Variants in GRM4 observed in about 807,000 individuals in gnomAD.
GRM4 encodes the protein glutamate metabotropic receptor 4.
A neutral mutation model predicts 81.7 loss-of-function variants in GRM4; 28 were observed. The observed-to-expected ratio is 0.34, with a 90% CI of 0.25 to 0.47. GRM4 has a LOEUF of 0.47. Ranked by LOEUF, GRM4 falls within the 20% of genes least tolerant of loss-of-function variation. GRM4 has a pLI of 1.00. For synonymous variants in GRM4, 488 were observed against 528.8 expected (o/e 0.92, Z 1.06); for missense variants, 948 against 1,290.0 (o/e 0.73, Z 4.06).
rs1249023243 is a variant in GRM4 at position 34,042,393 on chromosome 6, G to A, written c.1169-1645C>T. Among the ~76,000 whole-genome samples, 1 of 152,210 alleles carries A rather than the reference G, an allele frequency of 6.6e-6. No individual in the cohort carries two copies. The highest frequency in any genetic ancestry group is 1.5e-5 in the Non-Finnish European group (1 of 68,026). ...CACTCTGCCACACAGGGATGCAGGT[G>A]GGCAGGAATGTGGGGAGGGGACCAG... On this transcript the variant is annotated intron_variant, in intron 6 of 10. Coordinates refer to ENST00000538487, the MANE Select transcript of GRM4 (RefSeq NM_000841.4). The surrounding 1 kb of genome is among the most constrained non-coding windows in gnomAD (Gnocchi z 4.2).
In GRM4 at chr6:34,028,207, T is replaced by A; in HGVS notation, c.2602A>T (p.Thr868Ser). ...TTCTGCGTGAACTTGTTGGACATGG[T>A]GGCCGCCGTAACGACGGCTTTGAGG... Reference protein sequence around the residue: ...RSLKAVVTAATMSNKFTQKGN... With the variant: ...RSLKAVVTAASMSNKFTQKGN... The change falls in exon 10 of 11, where the codon ACC (threonine) becomes TCC (serine). Residue 868 changes from threonine (T) to serine (S), a missense_variant. Coordinates refer to ENST00000538487, the MANE Select transcript of GRM4 (RefSeq NM_000841.4). The A allele has an allele frequency of 6.2e-7, 1 of 1,614,026 alleles. No homozygotes were observed. Among genetic ancestry groups the A allele is most frequent in the Non-Finnish European group, 8.5e-7 (1 of 1,180,024 alleles).
chr6:34,142,466 G>A (rs531997774), intron 1 of GRM4, among the ~76,000 whole-genome samples: 3 of 152,334 alleles, frequency 2.0e-5, no homozygotes, highest in Admixed American at 6.5e-5. Context: ...GTCTAGGAGA[G>A]AGGACACGTC....
chr6:34,038,689 C>CT (rs397939422), intron 8 of GRM4, among the ~76,000 whole-genome samples: 1 of 151,550 alleles, frequency 6.6e-6, no homozygotes, highest in African/African-American at 2.4e-5. Flanking sequence ...CACCTCCCCC[C>CT]ACCACCTCAG....
intron 1 of GRM4, among the ~76,000 whole-genome samples, chr6:34,139,433 C>T (rs750984869): frequency 7.2e-5 from 11 of 152,218 alleles, no homozygotes; most frequent in South Asian, 2.1e-4. Context: ...CTGCCTTCCC[C>T]CAACCTATGA....
At chr6:34,101,301 C>T (rs1768825218) in intron 2 of GRM4, among the ~76,000 whole-genome samples, 1 of 152,206 alleles carries the variant, frequency 6.6e-6, no homozygotes, top group Non-Finnish European at 1.5e-5. Context: ...GAGGTGGGCC[C>T]TCTTATTCTC....
chr6:34,140,325 G>A lies in GRM4; in HGVS notation c.-364+5675C>T, dbSNP rs192303379. 7.6e-3 allele frequency among the ~76,000 whole-genome samples: 707 copies of A among 93,220 alleles called. 5 individuals carry two copies. Among genetic ancestry groups the A allele is most frequent in the South Asian group, 0.012 (40 of 3,282 alleles). 61.2% of individuals were successfully genotyped at this position (93,220 alleles called of 152,430 possible). A position where few individuals can be genotyped will look rare whatever the true frequency, so the allele number is the denominator to read the frequency against. ...ACGTGACCAGGGGGCAGTGGGGAGAGGGTTGATGCGATGAAGTCAGAGAGG... is the reference window on the plus strand; with the variant it reads ...ACGTGACCAGGGGGCAGTGGGGAGAAGGTTGATGCGATGAAGTCAGAGAGG... On this transcript the variant is annotated intron_variant, in intron 1 of 10. Coordinates refer to ENST00000538487, the MANE Select transcript of GRM4 (RefSeq NM_000841.4).
chr6:34,101,950 C>G, intron 2 of GRM4: 1 of 1,466,822 alleles, frequency 6.8e-7, no homozygotes, highest in Non-Finnish European at 9.2e-7. Context: ...AGGGGTATGG[C>G]CAGGACGTGT....
intron 1 of GRM4, among the ~76,000 whole-genome samples, chr6:34,143,613 G>A (rs967619039): frequency 1.3e-5 from 2 of 152,240 alleles, no homozygotes; most frequent in African/African-American, 4.8e-5. Flanking sequence ...TGGGCTCTGA[G>A]GAGCTGAGCA....
At position 34,087,247 on chromosome 6, in the gene GRM4, C is replaced by T. The variant is rs962110774; in HGVS notation, c.736+4636G>A. Among the ~76,000 whole-genome samples the T allele has an allele frequency of 8.6e-5, 13 of 151,638 alleles. No homozygotes were observed. In the East Asian group the frequency reaches 1.9e-3, roughly 23 times the overall value. ...CAACCGGGCCAACATTGTGAAACCCCGTCTCTACTAAATATACAAAAATTA... is the reference window on the plus strand; with the variant it reads ...CAACCGGGCCAACATTGTGAAACCCTGTCTCTACTAAATATACAAAAATTA... On this transcript the variant is annotated intron_variant, in intron 3 of 10. Transcript: ENST00000538487.
intron 4 of GRM4, chr6:34,061,216 A>C (rs1766161944): frequency 6.6e-6 from 1 of 152,174 alleles, no homozygotes; most frequent in Non-Finnish European, 1.5e-5. Context: ...AGCAGGGACT[A>C]GAGGGCCCTG....
rs1330248348 is a variant in GRM4 at position 34,064,368 on chromosome 6, T to C, written c.737-2340A>G. On this transcript the variant is annotated intron_variant, in intron 3 of 10. Transcript: ENST00000538487. This position sits in a 1 kb window ranked among gnomAD's most constrained non-coding sequence, Gnocchi z 4.4. The stretch of plus-strand genomic sequence containing the variant: ...ATGAAGAAATTGAGGCACAGAGAGG[T>C]TAAGTAGCTTCCCCAGGATCACAAA... Among the ~76,000 whole-genome samples the C allele has an allele frequency of 1.3e-5, 2 of 151,870 alleles. No homozygotes were observed. Among genetic ancestry groups the C allele is most frequent in the African/African-American group, 2.4e-5 (1 of 41,310 alleles).
intron 6 of GRM4, among the ~76,000 whole-genome samples, chr6:34,044,429 CAG>C (rs1765207702): frequency 2.0e-5 from 3 of 149,848 alleles, no homozygotes; most frequent in Non-Finnish European, 3.0e-5. Context: ...CACATACACA[CAG>C]ACATACATAC....
intron 5 of GRM4, 133 bp downstream of exon 5, chr6:34,058,841 A>G: frequency 1.4e-6 from 1 of 704,980 alleles, no homozygotes. Context: ...TCAGAACATA[A>G]GAGGCTGTGG....
intron 2 of GRM4, among the ~76,000 whole-genome samples, chr6:34,097,592 C>A (rs1294348633): frequency 1.3e-5 from 2 of 152,226 alleles, no homozygotes; most frequent in East Asian, 1.9e-4. Flanking sequence ...TGACCCAGAA[C>A]GCCCACAGCT....
intron 6 of GRM4, among the ~76,000 whole-genome samples, chr6:34,051,125 C>T (rs1948831589): frequency 1.3e-5 from 2 of 152,152 alleles, no homozygotes; most frequent in African/African-American, 2.4e-5. Flanking sequence ...GACCTTTCAC[C>T]GGCAGGGTGG....
intron 5 of GRM4, 137 bp from the exon 6 acceptor site, chr6:34,056,821 G>C: frequency 1.0e-6 from 1 of 961,936 alleles, no homozygotes; most frequent in South Asian, 1.7e-5. Context: ...TGATCCAGGA[G>C]AAAACAAAAT....
At chr6:34,091,209 T>C (rs1174622236) in intron 3 of GRM4, among the ~76,000 whole-genome samples, 1 of 152,204 alleles carries the variant, frequency 6.6e-6, no homozygotes, top group Non-Finnish European at 1.5e-5. Flanking sequence ...GCCAAGGGGA[T>C]AACCCTTGTT....
Position 34,115,479 on chromosome 6 carries a change from A to G in GRM4, c.519+17499T>C, listed in dbSNP as rs1188697921. 6.6e-6 allele frequency among the ~76,000 whole-genome samples: 1 copy of G among 152,078 alleles called. No homozygotes were observed. Among genetic ancestry groups the G allele is most frequent in the Non-Finnish European group, 1.5e-5 (1 of 68,008 alleles). On this transcript the variant is annotated intron_variant, in intron 2 of 10. Coordinates refer to ENST00000538487, the MANE Select transcript of GRM4 (RefSeq NM_000841.4). The surrounding 1 kb of genome is among the most constrained non-coding windows in gnomAD (Gnocchi z 4.1). ...CCCCCTGGGAAGCATAACCACCCCC[A>G]AGCCCAAATTGCTGCCCCTTCCCCT... is the stretch of plus-strand genomic sequence containing the variant.
chr6:34,122,708 G>A (rs1769861086), intron 2 of GRM4, among the ~76,000 whole-genome samples: 2 of 149,242 alleles, frequency 1.3e-5, no homozygotes, highest in Admixed American at 6.6e-5. Flanking sequence ...CCAAGGCCCC[G>A]GGCTGGCGGC....
Sources: gnomAD v4.1 joint callset for allele counts (sites outside exome capture counted in the v4.1 genomes callset) on GRCh38, gnomAD v4.1.1 for gene constraint, Gnocchi (gnomAD v3.1) non-coding constraint, MANE v1.5 for transcripts, NCBI Gene and HGNC (gene_info 2026-07-23, HGNC 2026-07-21) for gene names.